The following PDIA3 variants were observed in gnomAD, a reference collection of about 807,000 sequenced individuals.
PDIA3 encodes the protein protein disulfide isomerase family A member 3, also known as protein disulfide-isomerase A3.
Under a neutral mutation model 56.9 loss-of-function variants are expected in PDIA3, and 16 were observed. That is an observed-to-expected ratio of 0.28 (90% CI 0.19 to 0.43). PDIA3 has a LOEUF of 0.43. Ranked by LOEUF, PDIA3 falls within the 20% of genes least tolerant of loss-of-function variation. The probability of loss-of-function intolerance (pLI) is 1.00; values close to 1 mark genes in which losing one functional copy is unlikely to be tolerated. For missense variants in PDIA3, 485 were observed against 621.3 expected (o/e 0.78, Z 2.33); for synonymous variants, 192 against 216.5 (o/e 0.89, Z 0.99).
intron 8 of PDIA3, 104 bp from the exon 9 acceptor site, chr15:43,768,385 G>T (rs994352711): frequency 1.3e-6 from 1 of 749,058 alleles, no homozygotes; most frequent in Non-Finnish European, 2.3e-6. Flanking sequence ...CCCTTTTTTA[G>T]CCTTGAAAAG....
At chr15:43,765,379 TC>T in intron 5 of PDIA3, 70 bp from the exon 6 acceptor site, 1 of 868,120 alleles carries the variant, frequency 1.2e-6, no homozygotes, top group Non-Finnish European at 1.9e-6. Flanking sequence ...AAACCCTATC[TC>T]AAAAAAAAAA....
chr15:43,749,787 C>A (rs2086731771), intron 1 of PDIA3, among the ~76,000 whole-genome samples: 1 of 151,954 alleles, frequency 6.6e-6, no homozygotes, highest in Non-Finnish European at 1.5e-5. Context: ...TAAAAAATGA[C>A]AAAAATTAAC....
intron 4 of PDIA3, among the ~76,000 whole-genome samples, chr15:43,762,856 A>C (rs536258211): frequency 6.6e-6 from 1 of 151,778 alleles, no homozygotes; most frequent in South Asian, 2.1e-4. Context: ...GAACACTGAC[A>C]AATTTTCTCC....
intron 12 of PDIA3, 102 bp downstream of exon 12, chr15:43,770,682 T>TA: frequency 1.2e-6 from 1 of 835,842 alleles, no homozygotes; most frequent in South Asian, 1.6e-5. Context: ...TTTAATTATT[T>TA]TTTGAGACGG....
At chr15:43,747,558 GT>G (rs973985989) in intron 1 of PDIA3, among the ~76,000 whole-genome samples, 141 of 142,584 alleles carry the variant, frequency 9.9e-4, no homozygotes, top group African/African-American at 2.4e-3. Context: ...TTGAGTGTTT[GT>G]TTTTTTTTTT....
rs772823821 is a variant in PDIA3 at position 43,756,743 on chromosome 15, C to T, written c.341C>T (p.Ala114Val). 1.3e-6 allele frequency: 2 copies of T among 1,595,234 alleles called. No individual in the cohort carries two copies. Among genetic ancestry groups the T allele is most frequent in the East Asian group, 2.2e-5 (1 of 44,786 alleles). Residue 114 changes from alanine to valine, a missense_variant, in exon 3 of 13, where the codon GCT becomes GTT. By Grantham distance (64) the Ala-to-Val change is moderately conservative. Transcript: ENST00000300289. ...TTTAGAGATGGTGAAGAAGCAGGTG[C>T]TTATGATGGACCTAGGACTGCTGGT... Reference protein sequence around the residue: ...KIFRDGEEAGAYDGPRTADGI... With the variant: ...KIFRDGEEAGVYDGPRTADGI...
chr15:43,755,997 C>G (rs529434815), intron 2 of PDIA3, among the ~76,000 whole-genome samples: 2 of 151,942 alleles, frequency 1.3e-5, no homozygotes, highest in African/African-American at 2.4e-5. Flanking sequence ...CTTAGTTTAC[C>G]CATCTTAGAG....
In PDIA3 at chr15:43,761,631, C is replaced by G. The variant is rs1025152197; in HGVS notation, c.472+100C>G. Reference sequence around the variant, plus strand: ...ACAGAATTAAAGCAGTTAAGGAAACCTTGGGGCAGTTGAGAAGGCAACTGA... The same window carrying G: ...ACAGAATTAAAGCAGTTAAGGAAACGTTGGGGCAGTTGAGAAGGCAACTGA... On this transcript the variant is annotated intron_variant, in intron 4 of 12. Coordinates refer to ENST00000300289, the MANE Select transcript of PDIA3 (RefSeq NM_005313.5). The G allele has an allele frequency of 9.2e-6, 6 of 654,432 alleles. No individual in the cohort carries two copies. The African/African-American group carries it at 1.1e-4, about 12-fold the overall frequency. 40.5% of individuals were successfully genotyped at this position (654,432 alleles called of 1,614,324 possible).
chr15:43,769,528 C>T lies in PDIA3; in HGVS notation c.1148C>T (p.Ala383Val), dbSNP rs771669339. 16 of 1,612,980 alleles carry T rather than the reference C, an allele frequency of 9.9e-6. No homozygotes were observed. Among genetic ancestry groups the T allele is most frequent in the Non-Finnish European group, 1.4e-5 (16 of 1,179,058 alleles). Reference protein sequence around the residue: ...SNDGPVKVVVAENFDEIVNNE... With the variant: ...SNDGPVKVVVVENFDEIVNNE... ...TTCTGTGTTTTCCAGGTAGTGGTAG[C>T]AGAGAATTTTGATGAAATAGTGAAT... The change falls in exon 10 of 13, where the codon GCA becomes GTA. Residue 383 changes from alanine to valine, a missense_variant. Ala to Val is a moderately conservative substitution (Grantham distance 64). Transcript: ENST00000300289.
chr15:43,753,187 C>T (rs370783528), intron 1 of PDIA3, among the ~76,000 whole-genome samples: 1 of 150,936 alleles, frequency 6.6e-6, no homozygotes, highest in East Asian at 2.0e-4. Flanking sequence ...AAGCAATTCT[C>T]CTGCCTCAGC....
intron 3 of PDIA3, among the ~76,000 whole-genome samples, chr15:43,759,195 C>T (rs968942850): frequency 5.9e-5 from 9 of 151,992 alleles, no homozygotes; most frequent in African/African-American, 2.2e-4. Flanking sequence ...GAGGCTGAGG[C>T]AGGAGAATGG....
chr15:43,751,209 A>G (rs2086742170), intron 1 of PDIA3, among the ~76,000 whole-genome samples: 1 of 151,652 alleles, frequency 6.6e-6, no homozygotes, highest in South Asian at 2.1e-4. Context: ...TTTCAACATC[A>G]ACATTTAGCT....
Position 43,766,748 on chromosome 15 carries a change from A to C in PDIA3, c.866A>C (p.Lys289Thr). ...WRNRVMMVAK[K>T]FLDAGHKLNF... is the part of the protein sequence containing the mutation. ...CACAGGGTAATGATGGTGGCAAAGA[A>C]ATTCCTGGATGCTGGGCACAAACTC... The change falls in exon 8 of 13, where the codon AAA becomes ACA. Residue 289 changes from lysine (K) to threonine (T), a missense_variant. By Grantham distance (78) the Lys-to-Thr change is moderately conservative. Transcript: ENST00000300289. The C allele has an allele frequency of 2.5e-6, 4 of 1,613,990 alleles. No individual in the cohort carries two copies. The highest frequency in any genetic ancestry group is 3.4e-6 in the Non-Finnish European group (4 of 1,179,916).
intron 12 of PDIA3, among the ~76,000 whole-genome samples, chr15:43,770,813 C>T (rs2086877226): frequency 1.3e-5 from 2 of 152,044 alleles, no homozygotes; most frequent in Admixed American, 1.3e-4. Flanking sequence ...ACCACCCCGG[C>T]TAATTTTGTA....
At chr15:43,756,531 T>C in intron 2 of PDIA3, 118 bp from the exon 3 acceptor site, 1 of 688,988 alleles carries the variant, frequency 1.5e-6, no homozygotes. Flanking sequence ...CTGTGGCATA[T>C]ATGCCAAGAA....
At chr15:43,748,205 T>A (rs1036954403) in intron 1 of PDIA3, among the ~76,000 whole-genome samples, 1 of 152,116 alleles carries the variant, frequency 6.6e-6, no homozygotes, top group African/African-American at 2.4e-5. Flanking sequence ...GGGCTGGGCA[T>A]GGTGGCTCCC....
intron 3 of PDIA3, among the ~76,000 whole-genome samples, chr15:43,758,434 A>G (rs2086793779): frequency 1.3e-5 from 2 of 150,996 alleles, no homozygotes; most frequent in Admixed American, 1.3e-4. Flanking sequence ...CAAGGCAGGC[A>G]GATCATTTGA....
intron 1 of PDIA3, chr15:43,751,480 A>G: frequency 1.5e-6 from 1 of 666,354 alleles, no homozygotes; most frequent in Non-Finnish European, 2.4e-6. Flanking sequence ...GATAGATAGA[A>G]TTAATTGTGT....
chr15:43,770,705 G>T (rs749023653), intron 12 of PDIA3, 125 bp downstream of exon 12: 7 of 713,454 alleles, frequency 9.8e-6, no homozygotes, highest in Non-Finnish European at 1.6e-5. Flanking sequence ...TTTCGCTCTT[G>T]TTGCCTGGGC....
Sources: gnomAD v4.1 joint callset for allele counts (sites outside exome capture counted in the v4.1 genomes callset) on GRCh38, gnomAD v4.1.1 for gene constraint, MANE v1.5 for transcripts, NCBI Gene and HGNC (gene_info 2026-07-23, HGNC 2026-07-21) for gene names.